Variants in FNDC3A observed in about 807,000 individuals in gnomAD.
FNDC3A encodes fibronectin type III domain containing 3A.
In FNDC3A, 32 loss-of-function variants were observed where a neutral mutation model predicts 148.9. The ratio of observed to expected loss-of-function variants is 0.21; its 90% CI spans 0.16 to 0.29. FNDC3A has a LOEUF of 0.29. FNDC3A is among the 10% of genes least tolerant of loss of function. FNDC3A has a pLI of 1.00. For synonymous variants in FNDC3A, 472 were observed against 473.6 expected (o/e 1.00, Z 0.04); for missense variants, 1,191 against 1,452.8 (o/e 0.82, Z 2.93).
intron 13 of FNDC3A, among the ~76,000 whole-genome samples, chr13:49,177,335 C>T (rs1380342692): frequency 6.6e-6 from 1 of 152,150 alleles, no homozygotes; most frequent in Non-Finnish European, 1.5e-5. Flanking sequence ...CAAGGTGTCA[C>T]AGAAGATTTT....
chr13:49,137,187 A>G (rs1211719083), intron 6 of FNDC3A, among the ~76,000 whole-genome samples: 1 of 152,118 alleles, frequency 6.6e-6, no homozygotes, highest in Non-Finnish European at 1.5e-5. Flanking sequence ...GCAAATAGTT[A>G]TATCATTTAC....
chr13:49,071,676 T>G (rs528165234), intron 2 of FNDC3A, among the ~76,000 whole-genome samples: 6 of 152,298 alleles, frequency 3.9e-5, no homozygotes, highest in Non-Finnish European at 7.4e-5. Flanking sequence ...ATGTCTTCTT[T>G]TGAGAAATGT....
At chr13:49,149,476 A>G (rs1566284569) in intron 8 of FNDC3A, among the ~76,000 whole-genome samples, 1 of 152,102 alleles carries the variant, frequency 6.6e-6, no homozygotes, top group Non-Finnish European at 1.5e-5. Flanking sequence ...GTCCTTCATT[A>G]TGTTGATATG....
intron 2 of FNDC3A, among the ~76,000 whole-genome samples, chr13:49,011,366 G>A (rs1030891402): frequency 5.3e-5 from 8 of 151,840 alleles, no homozygotes; most frequent in South Asian, 2.1e-4. Context: ...CCCAAGTGGC[G>A]GAGATCACAG....
At chr13:49,129,140 C>T (rs977446946) in intron 4 of FNDC3A, among the ~76,000 whole-genome samples, 10 of 152,044 alleles carry the variant, frequency 6.6e-5, no homozygotes, top group African/African-American at 2.4e-4. Flanking sequence ...GTTTGTTTTG[C>T]TGAAAAATAG....
At chr13:49,111,581 C>A (rs1880576009) in intron 3 of FNDC3A, among the ~76,000 whole-genome samples, 1 of 151,940 alleles carries the variant, frequency 6.6e-6, no homozygotes, top group Non-Finnish European at 1.5e-5. Context: ...CAAAAATTAG[C>A]CGGGCGTGGT....
At chr13:49,114,618 A>G (rs1880810252) in intron 3 of FNDC3A, 37 bp from the exon 4 acceptor site, 3 of 1,403,566 alleles carry the variant, frequency 2.1e-6, no homozygotes, top group South Asian at 1.2e-5. Flanking sequence ...CTGATAAGCA[A>G]TCATGGGTTA....
intron 1 of FNDC3A, among the ~76,000 whole-genome samples, chr13:48,978,419 T>C (rs1197246449): frequency 1.3e-5 from 2 of 152,194 alleles, no homozygotes; most frequent in East Asian, 3.8e-4. Flanking sequence ...TTTAAAACAT[T>C]TGCATTTTTT....
At chr13:48,992,649 G>A (rs1951943433) in intron 1 of FNDC3A, among the ~76,000 whole-genome samples, 1 of 152,094 alleles carries the variant, frequency 6.6e-6, no homozygotes, top group Admixed American at 6.5e-5. Context: ...TTTCACAGGT[G>A]TATTTATGTG....
chr13:49,195,011 AG>A (rs1215972946), intron 19 of FNDC3A, among the ~76,000 whole-genome samples: 7 of 152,158 alleles, frequency 4.6e-5, no homozygotes, highest in African/African-American at 1.7e-4. Flanking sequence ...TGCCCTTTAT[AG>A]ATGTTAGATT....
At chr13:49,124,428 C>T (rs1351952828) in intron 4 of FNDC3A, among the ~76,000 whole-genome samples, 3 of 151,084 alleles carry the variant, frequency 2.0e-5, no homozygotes, top group African/African-American at 4.9e-5. Flanking sequence ...CACCATGGCA[C>T]GTGTATACCT....
At chr13:49,144,366 T>C (rs537866883) in intron 7 of FNDC3A, among the ~76,000 whole-genome samples, 1 of 152,194 alleles carries the variant, frequency 6.6e-6, no homozygotes, top group African/African-American at 2.4e-5. Context: ...GCAAAATAAA[T>C]ATAGTAATAG....
intron 1 of FNDC3A, among the ~76,000 whole-genome samples, chr13:49,000,787 C>T (rs1225940322): frequency 6.6e-6 from 1 of 152,046 alleles, no homozygotes; most frequent in Admixed American, 6.5e-5. Context: ...CTTTCACCTC[C>T]TTGATTAGGT....
At chr13:49,068,695 C>T (rs1263840507) in intron 2 of FNDC3A, among the ~76,000 whole-genome samples, 7 of 152,148 alleles carry the variant, frequency 4.6e-5, no homozygotes, top group Non-Finnish European at 1.0e-4. Context: ...AAATGTGGTA[C>T]ATATACACCA....
At chr13:49,156,536 G>A (rs1883699583) in intron 8 of FNDC3A, among the ~76,000 whole-genome samples, 1 of 148,458 alleles carries the variant, frequency 6.7e-6, no homozygotes, top group Non-Finnish European at 1.5e-5. Flanking sequence ...AGTTAATATT[G>A]TTATGTGTGA....
intron 3 of FNDC3A, among the ~76,000 whole-genome samples, chr13:49,078,259 A>G (rs1878246308): frequency 6.6e-6 from 1 of 152,214 alleles, no homozygotes; most frequent in Non-Finnish European, 1.5e-5. Flanking sequence ...CCACCTCCAT[A>G]AATCAATTAA....
At chr13:49,160,856 T>G (rs1884058300) in intron 8 of FNDC3A, among the ~76,000 whole-genome samples, 1 of 152,050 alleles carries the variant, frequency 6.6e-6, no homozygotes, top group Non-Finnish European at 1.5e-5. Flanking sequence ...CATCTTTATT[T>G]CTGCCTTCAT....
intron 1 of FNDC3A, among the ~76,000 whole-genome samples, chr13:48,987,613 G>A (rs1347254829): frequency 1.3e-5 from 2 of 152,106 alleles, no homozygotes; most frequent in African/African-American, 2.4e-5. Context: ...TTATCCATCC[G>A]ACCAACACTA....
At chr13:48,999,097 C>T (rs1043375037) in intron 1 of FNDC3A, among the ~76,000 whole-genome samples, 1 of 152,174 alleles carries the variant, frequency 6.6e-6, no homozygotes, top group Non-Finnish European at 1.5e-5. Context: ...GCAGCAGAGC[C>T]TCATGGGAAG....
Sources: allele counts gnomAD v4.1 joint callset (sites outside exome capture counted in the v4.1 genomes callset), GRCh38; gene constraint gnomAD v4.1.1; transcripts MANE v1.5; gene names NCBI Gene and HGNC (gene_info 2026-07-23, HGNC 2026-07-21).